The following ANAPC10 variants were observed in gnomAD, a reference collection of about 807,000 sequenced individuals.
ANAPC10 encodes anaphase promoting complex subunit 10.
In ANAPC10, 12 loss-of-function variants were observed where a neutral mutation model predicts 22.0. The ratio of observed to expected loss-of-function variants is 0.55; its 90% CI spans 0.35 to 0.88. The LOEUF (loss-of-function observed/expected upper bound fraction) is 0.88, where lower values mean the gene tolerates loss of function less well. Ranked by LOEUF, ANAPC10 falls within the 40% of genes least tolerant of loss-of-function variation. ANAPC10 has a pLI of 0.01. For missense variants in ANAPC10, 188 were observed against 220.9 expected (o/e 0.85, Z 0.94); for synonymous variants, 65 against 69.5 (o/e 0.94, Z 0.32).
At chr4:145,025,108 T>C (rs1736473347) in intron 4 of ANAPC10, among the ~76,000 whole-genome samples, 1 of 152,176 alleles carries the variant, frequency 6.6e-6, no homozygotes, top group Admixed American at 6.5e-5. Context: ...TTAGCCTTTA[T>C]AGAATTCAAG....
intron 4 of ANAPC10, among the ~76,000 whole-genome samples, chr4:145,019,678 T>C (rs772778097): frequency 6.6e-6 from 1 of 152,066 alleles, no homozygotes; most frequent in East Asian, 1.9e-4. Flanking sequence ...GATAAACTGA[T>C]AGACCATTAG....
intron 4 of ANAPC10, among the ~76,000 whole-genome samples, chr4:145,056,393 A>G (rs1742078386): frequency 6.6e-6 from 1 of 152,194 alleles, no homozygotes; most frequent in Non-Finnish European, 1.5e-5. Context: ...CTTGTTTAGC[A>G]TATCATCAAG....
chr4:145,054,970 A>G (rs985042201), intron 4 of ANAPC10, among the ~76,000 whole-genome samples: 2 of 152,062 alleles, frequency 1.3e-5, no homozygotes, highest in African/African-American at 4.8e-5. Flanking sequence ...CCATATCACT[A>G]TCTCTCAGTA....
In ANAPC10 at chr4:145,061,740, C is replaced by T. The variant is rs186004384; in HGVS notation, c.327+2832G>A. ...ATTTTTAATAAAATACAATTTAATA[C>T]GTCAAGTCATCAGAGAACTAAACAC... On this transcript the variant is annotated intron_variant, in intron 4 of 4. Coordinates refer to ENST00000507656, the MANE Select transcript of ANAPC10 (RefSeq NM_001256706.2). 3.9e-5 allele frequency among the ~76,000 whole-genome samples: 6 copies of T among 152,188 alleles called. No homozygotes were observed. The East Asian group carries it at 7.7e-4, about 20-fold the overall frequency.
intron 2 of ANAPC10, among the ~76,000 whole-genome samples, chr4:145,090,800 ACATTATGTAGT>A (rs1747562396): frequency 6.6e-6 from 1 of 152,228 alleles, no homozygotes; most frequent in Admixed American, 6.5e-5. Context: ...ATTAATTATT[ACATTATGTAGT>A]AATAGTTTAA....
intron 4 of ANAPC10, among the ~76,000 whole-genome samples, chr4:145,050,972 T>G (rs1579039114): frequency 6.6e-6 from 1 of 152,242 alleles, no homozygotes; most frequent in Admixed American, 6.5e-5. Context: ...TCAGGAACTT[T>G]TCCCTTATAT....
chr4:145,094,986 C>CA (rs1328487078), intron 2 of ANAPC10, among the ~76,000 whole-genome samples: 4 of 149,078 alleles, frequency 2.7e-5, no homozygotes, highest in African/African-American at 7.4e-5. Flanking sequence ...GAGAAACGGC[C>CA]AAAAAAAATA....
At chr4:145,066,149 T>C (rs1262220677) in intron 3 of ANAPC10, among the ~76,000 whole-genome samples, 3 of 152,198 alleles carry the variant, frequency 2.0e-5, no homozygotes, top group Non-Finnish European at 4.4e-5. Context: ...GCAGGGGCTC[T>C]GTAGCTCTTA....
chr4:145,070,727 G>C (rs527940674), intron 3 of ANAPC10, among the ~76,000 whole-genome samples: 1 of 152,164 alleles, frequency 6.6e-6, no homozygotes, highest in African/African-American at 2.4e-5. Context: ...TACAACAGCC[G>C]AAAGGTAGAA....
intron 2 of ANAPC10, among the ~76,000 whole-genome samples, chr4:145,091,037 C>T (rs768067472): frequency 1.3e-5 from 2 of 152,160 alleles, no homozygotes; most frequent in African/African-American, 4.8e-5. Context: ...ATGTAAAATG[C>T]TAATCATATA....
At chr4:144,997,377 AT>A (rs1274405533) in intron 4 of ANAPC10, among the ~76,000 whole-genome samples, 16 of 152,340 alleles carry the variant, frequency 1.1e-4, no homozygotes, top group African/African-American at 3.8e-4. Flanking sequence ...CATCAGACTA[AT>A]AGCAGATCTC....
chr4:145,000,350 A>C (rs1468358589), intron 4 of ANAPC10, among the ~76,000 whole-genome samples: 3 of 152,190 alleles, frequency 2.0e-5, no homozygotes, highest in Admixed American at 1.3e-4. Context: ...GAACTTAAAC[A>C]AATTTACAAG....
intron 2 of ANAPC10, among the ~76,000 whole-genome samples, 200 bp from the exon 3 acceptor site, chr4:145,081,950 T>A (rs1393423699): frequency 6.6e-6 from 1 of 152,156 alleles, no homozygotes; most frequent in Non-Finnish European, 1.5e-5. Flanking sequence ...CCTCAAGTGA[T>A]CCTCCTGCCT....
At chr4:145,076,580 A>G (rs1203640539) in intron 3 of ANAPC10, among the ~76,000 whole-genome samples, 1 of 152,222 alleles carries the variant, frequency 6.6e-6, no homozygotes, top group Non-Finnish European at 1.5e-5. Context: ...TTGCCCAGCA[A>G]TGGTTCTTAA....
Position 145,081,696 on chromosome 4 carries a change from T to C in ANAPC10, c.170A>G (p.Asp57Gly), listed in dbSNP as rs755696637. 1 of 1,612,896 alleles carries C rather than the reference T, an allele frequency of 6.2e-7. No individual in the cohort carries two copies. ...GTTCACTAAATGAGGCTGGGAACCA[T>C]CTGATTGCCAATAAGTTTCTAGATT... is the stretch of plus-strand genomic sequence containing the variant. ...DDNLETYWQS[D>G]GSQPHLVNIQ... Residue 57 changes from aspartate to glycine, a missense_variant, in exon 3 of 5, where the codon GAT becomes GGT. Asp to Gly is a moderately conservative substitution (Grantham distance 94). Transcript: ENST00000507656.
intron 4 of ANAPC10, among the ~76,000 whole-genome samples, chr4:145,019,458 A>C (rs1735668261): frequency 6.6e-6 from 1 of 152,150 alleles, no homozygotes; most frequent in Non-Finnish European, 1.5e-5. Context: ...TGCCCAGAGG[A>C]AAGTTCATGG....
At chr4:145,089,453 G>C (rs1181715332) in intron 2 of ANAPC10, among the ~76,000 whole-genome samples, 1 of 152,068 alleles carries the variant, frequency 6.6e-6, no homozygotes, top group African/African-American at 2.4e-5. Context: ...TTCAACATTG[G>C]ATTAATTTGG....
intron 4 of ANAPC10, among the ~76,000 whole-genome samples, chr4:145,059,988 T>C (rs1383969160): frequency 6.6e-6 from 1 of 152,070 alleles, no homozygotes; most frequent in African/African-American, 2.4e-5. Flanking sequence ...TTCTCTTGAA[T>C]AACATGAATT....
At chr4:145,069,719 T>G (rs1744212981) in intron 3 of ANAPC10, among the ~76,000 whole-genome samples, 1 of 152,194 alleles carries the variant, frequency 6.6e-6, no homozygotes, top group African/African-American at 2.4e-5. Context: ...ATTTTCTTAA[T>G]ATTACTAAGA....
Sources: gnomAD v4.1 joint callset for allele counts (sites outside exome capture counted in the v4.1 genomes callset) on GRCh38, gnomAD v4.1.1 for gene constraint, MANE v1.5 for transcripts, NCBI Gene and HGNC (gene_info 2026-07-23, HGNC 2026-07-21) for gene names.